The following DNAL1 variants were observed in gnomAD, a reference collection of about 807,000 sequenced individuals.
DNAL1 encodes dynein axonemal light chain 1.
In DNAL1, 17 loss-of-function variants were observed where a neutral mutation model predicts 29.4. The ratio of observed to expected loss-of-function variants is 0.58; its 90% confidence interval spans 0.40 to 0.87. The LOEUF (loss-of-function observed/expected upper bound fraction) is 0.87. Ranked by LOEUF, DNAL1 falls within the 40% of genes least tolerant of loss-of-function variation. DNAL1 has a pLI of 0.00. For synonymous variants in DNAL1, 78 were observed against 76.3 expected (o/e 1.02, Z -0.12); for missense variants, 188 against 214.1 (o/e 0.88, Z 0.76).
chr14:73,658,216 T>A (rs973040671), intron 2 of DNAL1, among the ~76,000 whole-genome samples: 14 of 152,244 alleles, frequency 9.2e-5, no homozygotes, highest in African/African-American at 3.4e-4. Flanking sequence ...TGGCTGTAAA[T>A]ACATGGACTT....
intron 1 of DNAL1, among the ~76,000 whole-genome samples, chr14:73,653,531 T>A (rs1891152978): frequency 6.6e-6 from 1 of 151,996 alleles, no homozygotes; most frequent in South Asian, 2.1e-4. Context: ...TTTTTTTAAT[T>A]TTGTTTTGTA....
chr14:73,687,786 T>C (rs931904849), intron 6 of DNAL1, among the ~76,000 whole-genome samples: 50 of 152,012 alleles, frequency 3.3e-4, no homozygotes, highest in Non-Finnish European at 6.5e-4. Flanking sequence ...GGCAGGAAAA[T>C]GGCGTGAACC....
intron 7 of DNAL1, among the ~76,000 whole-genome samples, chr14:73,694,952 G>A (rs1892267868): frequency 6.6e-6 from 1 of 151,726 alleles, no homozygotes; most frequent in Admixed American, 6.6e-5. Context: ...GCCTCCCAAA[G>A]TGGTGGGATT....
intron 5 of DNAL1, among the ~76,000 whole-genome samples, chr14:73,684,775 C>T (rs1239490247): frequency 6.6e-6 from 1 of 152,112 alleles, no homozygotes; most frequent in South Asian, 2.1e-4. Context: ...TGGCACGTGC[C>T]TGTTCTAACT....
chr14:73,660,218 T>C (rs1480726974), intron 3 of DNAL1, among the ~76,000 whole-genome samples: 1 of 152,182 alleles, frequency 6.6e-6, no homozygotes, highest in African/African-American at 2.4e-5. Context: ...GCATGAGCCA[T>C]TGTGCCTGGC....
At chr14:73,669,842 T>G (rs1025594809) in intron 4 of DNAL1, among the ~76,000 whole-genome samples, 1 of 152,138 alleles carries the variant, frequency 6.6e-6, no homozygotes, top group Non-Finnish European at 1.5e-5. Flanking sequence ...TAACATGGGG[T>G]CTTGCTTCAA....
chr14:73,689,578 G>A (rs1892117007), intron 7 of DNAL1, 63 bp downstream of exon 7: 3 of 1,555,676 alleles, frequency 1.9e-6, no homozygotes, highest in Non-Finnish European at 2.6e-6. Flanking sequence ...TTGTGGCATG[G>A]AATCATGAAG....
chr14:73,663,202 A>ATTTT (rs58367000), intron 4 of DNAL1, among the ~76,000 whole-genome samples: 5 of 125,154 alleles, frequency 4.0e-5, no homozygotes, highest in South Asian at 2.5e-4. Flanking sequence ...GGTCCCAGTA[A>ATTTT]TTTTTTTTTT....
intron 6 of DNAL1, 98 bp downstream of exon 6, chr14:73,687,483 C>A: frequency 7.5e-7 from 1 of 1,338,522 alleles, no homozygotes; most frequent in African/African-American, 1.5e-5. Context: ...TATTTCTAAG[C>A]ACAGAGAGAA....
intron 3 of DNAL1, chr14:73,659,467 G>A (rs1182921450): frequency 1.3e-5 from 2 of 152,130 alleles, no homozygotes; most frequent in African/African-American, 2.4e-5. Context: ...CAGCCAAACA[G>A]TACAATATTT....
rs927367286 is a variant in DNAL1, at chr14:73,701,744, T to G, written c.*5802T>G. On this transcript the variant is annotated 3_prime_UTR_variant, in exon 8 of 8. Transcript: ENST00000553645. Reference sequence around the variant, plus strand: ...CATGATTACGAGCATCATTCCAGAATCTTTGGCTTCTAGAACCAACTCCAT... The same window carrying G: ...CATGATTACGAGCATCATTCCAGAAGCTTTGGCTTCTAGAACCAACTCCAT... 1 of 152,146 alleles carries G rather than the reference T, an allele frequency of 6.6e-6. No individual in the cohort carries two copies. Among genetic ancestry groups the G allele is most frequent in the African/African-American group, 2.4e-5 (1 of 41,432 alleles). The allele number at this position is 152,146 out of a possible 1,614,324, so 9.4% of individuals were successfully genotyped here.
chr14:73,688,840 TTAAAG>T (rs2140059838), intron 6 of DNAL1, among the ~76,000 whole-genome samples: 1 of 152,232 alleles, frequency 6.6e-6, no homozygotes, highest in African/African-American at 2.4e-5. Context: ...ATGCTAGCAT[TTAAAG>T]TAGAGAGGTA....
rs529766326 is a variant in DNAL1, at chr14:73,700,962, G to A, written c.*5020G>A. On this transcript the variant is annotated 3_prime_UTR_variant, in exon 8 of 8. Transcript: ENST00000553645. ...TGAACTTCCAAAAATCAAGGGTCAT[G>A]TTTTAAAATCATGGAACTTTTAGAA... 5 of 152,282 alleles carry A rather than the reference G, an allele frequency of 3.3e-5. No homozygotes were observed. In the South Asian group the frequency reaches 6.2e-4, roughly 19 times the overall value. 9.4% of individuals were successfully genotyped at this position (152,282 alleles called of 1,614,324 possible).
intron 1 of DNAL1, among the ~76,000 whole-genome samples, chr14:73,646,283 G>A (rs1299482110): frequency 6.6e-6 from 1 of 152,106 alleles, no homozygotes; most frequent in African/African-American, 2.4e-5. Context: ...ATGATGACAG[G>A]GATACATTCT....
At chr14:73,650,355 A>G (rs1351752073) in intron 1 of DNAL1, among the ~76,000 whole-genome samples, 7 of 151,894 alleles carry the variant, frequency 4.6e-5, no homozygotes, top group Non-Finnish European at 7.4e-5. Context: ...TTTTTTTCAC[A>G]TGTTTTCTAT....
At chr14:73,685,056 G>A (rs1472231185) in intron 5 of DNAL1, among the ~76,000 whole-genome samples, 1 of 152,118 alleles carries the variant, frequency 6.6e-6, no homozygotes, top group Non-Finnish European at 1.5e-5. Context: ...AATTTTAATA[G>A]CTGAGAGGAA....
intron 4 of DNAL1, among the ~76,000 whole-genome samples, chr14:73,665,639 A>G (rs1891459184): frequency 6.6e-6 from 1 of 152,040 alleles, no homozygotes; most frequent in Admixed American, 6.6e-5. Context: ...AAAAATACAA[A>G]CATTAGCCAG....
intron 7 of DNAL1, among the ~76,000 whole-genome samples, chr14:73,689,888 T>C (rs1892125065): frequency 6.6e-6 from 1 of 151,426 alleles, no homozygotes; most frequent in South Asian, 2.1e-4. Flanking sequence ...ATATAAAAAT[T>C]AGCCAGGCGT....
At chr14:73,692,980 C>T (rs953058562) in intron 7 of DNAL1, among the ~76,000 whole-genome samples, 18 of 151,944 alleles carry the variant, frequency 1.2e-4, no homozygotes, top group Non-Finnish European at 4.4e-5. Context: ...GGATTACAGG[C>T]GTCCGCCACC....
Sources: allele counts gnomAD v4.1 joint callset (sites outside exome capture counted in the v4.1 genomes callset), GRCh38; gene constraint gnomAD v4.1.1; transcripts MANE v1.5; gene names NCBI Gene and HGNC (gene_info 2026-07-23, HGNC 2026-07-21).